Variants in KAZN observed in about 807,000 individuals in gnomAD.
KAZN encodes the protein kazrin, periplakin interacting protein, also known as kazrin.
In KAZN, 40 loss-of-function variants were observed where a neutral mutation model predicts 87.4. The observed-to-expected ratio is 0.46, with a 90% CI of 0.36 to 0.60. The LOEUF (loss-of-function observed/expected upper bound fraction) is 0.60, where lower values mean the gene tolerates loss of function less well. KAZN is among the 20% of genes least tolerant of loss of function. The pLI is 0.00. For missense variants in KAZN, 898 were observed against 1,073.9 expected, an observed-to-expected ratio of 0.84 and a Z score of 2.29; for synonymous variants, 466 against 458.3, an observed-to-expected ratio of 1.02 and a Z score of -0.22.
intron 1 of KAZN, among the ~76,000 whole-genome samples, chr1:13,981,113 A>ATATATATATATGTG (rs1461210274): frequency 2.2e-5 from 3 of 137,218 alleles, no homozygotes; most frequent in South Asian, 2.3e-4. Context: ...ATATATATGT[A>ATATATATATATGTG]TATATAAACA....
chr1:14,831,736 A>G (rs1298403152), intron 1 of KAZN, among the ~76,000 whole-genome samples: 2 of 151,776 alleles, frequency 1.3e-5, no homozygotes, highest in Non-Finnish European at 2.9e-5. Flanking sequence ...AAACCGAGAC[A>G]GGGAAATGAC....
At chr1:14,585,698 G>C (rs1030359707) in intron 2 of KAZN, among the ~76,000 whole-genome samples, 1 of 152,194 alleles carries the variant, frequency 6.6e-6, no homozygotes, top group African/African-American at 2.4e-5. Context: ...GTAATACTAT[G>C]AATGGGAAGG....
chr1:14,525,526 C>T (rs1671815712), intron 2 of KAZN, among the ~76,000 whole-genome samples: 1 of 150,558 alleles, frequency 6.6e-6, no homozygotes, highest in Non-Finnish European at 1.5e-5. Context: ...ATAACATTTG[C>T]ATGTCAAACA....
chr1:14,573,448 C>T (rs2148548967), intron 2 of KAZN, among the ~76,000 whole-genome samples: 1 of 152,214 alleles, frequency 6.6e-6, no homozygotes, highest in African/African-American at 2.4e-5. Context: ...GGAGTTCGAA[C>T]CAGCCTGGCC....
intron 6 of KAZN, 110 bp from the exon 7 acceptor site, chr1:15,063,462 C>G: frequency 1.1e-6 from 1 of 914,168 alleles, no homozygotes; most frequent in South Asian, 1.3e-5. Flanking sequence ...CAGGGTGGCC[C>G]CTGAGAGATG....
At chr1:13,992,731 T>C (rs979006684) in intron 1 of KAZN, among the ~76,000 whole-genome samples, 1 of 152,118 alleles carries the variant, frequency 6.6e-6, no homozygotes, top group African/African-American at 2.4e-5. Flanking sequence ...GCATCTTCTT[T>C]ACTGATGCTG....
intron 1 of KAZN, among the ~76,000 whole-genome samples, chr1:14,048,078 G>A (rs1642155590): frequency 1.3e-5 from 2 of 152,084 alleles, no homozygotes; most frequent in Non-Finnish European, 2.9e-5. Context: ...TGTGTGATCT[G>A]GACAAATTAC....
chr1:14,376,292 G>A (rs927908269), intron 2 of KAZN, among the ~76,000 whole-genome samples: 1 of 152,128 alleles, frequency 6.6e-6, no homozygotes, highest in Non-Finnish European at 1.5e-5. Context: ...TTTATGTGTT[G>A]GAAGCTAATC....
chr1:14,570,592 G>A (rs1485203721), intron 2 of KAZN, among the ~76,000 whole-genome samples: 2 of 152,186 alleles, frequency 1.3e-5, no homozygotes, highest in Non-Finnish European at 2.9e-5. Flanking sequence ...ACAGTAGTCC[G>A]TGGTATTGCT....
intron 8 of KAZN, 35 bp downstream of exon 8, chr1:15,065,788 G>C (rs763125536): frequency 6.2e-7 from 1 of 1,610,980 alleles, no homozygotes; most frequent in Non-Finnish European, 8.5e-7. Context: ...AGGAGGACGC[G>C]GACTGGTGAT....
intron 2 of KAZN, among the ~76,000 whole-genome samples, chr1:14,451,610 G>A (rs199873810): frequency 1.3e-3 from 184 of 144,742 alleles, no homozygotes; most frequent in Non-Finnish European, 2.5e-3. Context: ...GAGAGAGAAA[G>A]AGAGAAAGAA....
At chr1:14,503,594 T>TA (rs370262934) in intron 2 of KAZN, among the ~76,000 whole-genome samples, 49 of 150,392 alleles carry the variant, frequency 3.3e-4, no homozygotes, top group African/African-American at 1.2e-3. Context: ...CACACAGACT[T>TA]AACAGCAGTT....
At chr1:14,560,160 A>C (rs1674164158) in intron 2 of KAZN, among the ~76,000 whole-genome samples, 1 of 152,040 alleles carries the variant, frequency 6.6e-6, no homozygotes, top group Non-Finnish European at 1.5e-5. Context: ...ATCTGCCCTC[A>C]CTGCTTATTT....
intron 1 of KAZN, among the ~76,000 whole-genome samples, chr1:13,947,138 G>A (rs1049064290): frequency 1.3e-5 from 2 of 152,152 alleles, no homozygotes; most frequent in African/African-American, 4.8e-5. Flanking sequence ...AAGGAAAGAG[G>A]TTTAATTGAC....
At position 15,012,935 on chromosome 1, in the gene KAZN, A is replaced by C. The variant is rs777538318; in HGVS notation, c.419-21814A>C. Among the ~76,000 whole-genome samples, 42 of 152,092 alleles carry C rather than the reference A, an allele frequency of 2.8e-4. 2 individuals carry two copies. Among genetic ancestry groups the C allele is most frequent in the Admixed American group, 1.6e-3 (24 of 15,272 alleles). ...AGACTGTCTCAAAAAAAAGAAAAGA[A>C]TGGGAAGCGTCAAGCTCACTCCCTC... On this transcript the variant is annotated intron_variant, in intron 2 of 14. Transcript: ENST00000376030.
chr1:14,068,128 C>A (rs4994005), intron 1 of KAZN, among the ~76,000 whole-genome samples: 117 of 152,100 alleles, frequency 7.7e-4, no homozygotes, highest in Non-Finnish European at 1.0e-3. Context: ...GTTCCCCCCC[C>A]CAACAATTGA....
chr1:14,857,620 T>C (rs1167548300), intron 1 of KAZN, among the ~76,000 whole-genome samples: 1 of 152,122 alleles, frequency 6.6e-6, no homozygotes, highest in African/African-American at 2.4e-5. Context: ...CATTTTGCAA[T>C]GTTGAGGGCG....
At chr1:14,410,387 T>A (rs929320955) in intron 2 of KAZN, among the ~76,000 whole-genome samples, 2 of 152,100 alleles carry the variant, frequency 1.3e-5, no homozygotes, top group African/African-American at 4.8e-5. Context: ...TAGGTGTGAG[T>A]CGCCATTCCC....
intron 1 of KAZN, among the ~76,000 whole-genome samples, chr1:14,079,211 G>C (rs1370457948): frequency 6.6e-6 from 1 of 152,230 alleles, no homozygotes; most frequent in Admixed American, 6.5e-5. Context: ...TGGCAAGAGA[G>C]GGAGCAAGAG....
Sources: gnomAD v4.1 joint callset for allele counts (sites outside exome capture counted in the v4.1 genomes callset) on GRCh38, gnomAD v4.1.1 for gene constraint, MANE v1.5 for transcripts, NCBI Gene and HGNC (gene_info 2026-07-23, HGNC 2026-07-21) for gene names.